The following ZNF366 variants were observed in gnomAD, a reference collection of about 807,000 sequenced individuals.
The protein encoded by ZNF366 is zinc finger protein 366, also known as dendritic cell-specific transcript protein.
ZNF366 carries 20 observed loss-of-function variants against 47.2 expected under a neutral mutation model. The ratio of observed to expected loss-of-function variants is 0.42; its 90% CI spans 0.30 to 0.62. ZNF366 has a LOEUF of 0.62. Among genes scored for constraint, ZNF366 ranks in the 20% least tolerant of loss-of-function variants. ZNF366 has a pLI of 0.16. For missense variants in ZNF366, 987 were observed against 976.3 expected, an observed-to-expected ratio of 1.01 and a Z score of -0.15; for synonymous variants, 421 against 395.1, an observed-to-expected ratio of 1.07 and a Z score of -0.78.
At chr5:72,484,497 A>T (rs1031728586) in intron 1 of ZNF366, among the ~76,000 whole-genome samples, 20 of 143,208 alleles carry the variant, frequency 1.4e-4, no homozygotes, top group East Asian at 4.2e-4. Flanking sequence ...AAAAAAAAAA[A>T]TAATAATAAT....
chr5:72,450,224 G>A (rs976830615), intron 3 of ZNF366, among the ~76,000 whole-genome samples: 4 of 152,184 alleles, frequency 2.6e-5, no homozygotes, highest in African/African-American at 9.7e-5. Flanking sequence ...CACAAGTAAG[G>A]TAACTACTAT....
At chr5:72,447,862 A>G (rs1047937502) in intron 3 of ZNF366, among the ~76,000 whole-genome samples, 8 of 152,182 alleles carry the variant, frequency 5.3e-5, no homozygotes, top group African/African-American at 1.9e-4. Context: ...GATGGTTGCT[A>G]TTACCACCCC....
At chr5:72,475,774 G>A (rs1350144707) in intron 1 of ZNF366, among the ~76,000 whole-genome samples, 1 of 152,148 alleles carries the variant, frequency 6.6e-6, no homozygotes, top group Non-Finnish European at 1.5e-5. Context: ...GGTAAGACAT[G>A]CCCTCTAAGG....
chr5:72,457,693 T>C (rs1743217876), intron 2 of ZNF366, among the ~76,000 whole-genome samples: 1 of 152,142 alleles, frequency 6.6e-6, no homozygotes, highest in Admixed American at 6.5e-5. Context: ...TGCCCAGCTG[T>C]TTACTGGCTG....
At chr5:72,485,190 C>G (rs1743869900) in intron 1 of ZNF366, among the ~76,000 whole-genome samples, 1 of 152,232 alleles carries the variant, frequency 6.6e-6, no homozygotes, top group Admixed American at 6.5e-5. Context: ...CATTGACACT[C>G]AGCACATGTT....
chr5:72,443,603 G>T lies in ZNF366; in HGVS notation c.*153C>A, dbSNP rs1296277709. The stretch of plus-strand genomic sequence containing the variant: ...AGGGCCCCGTGAATGACCTGAGAAG[G>T]CTTTCCATTACCTACATCCCTGCTC... On this transcript the variant is annotated 3_prime_UTR_variant, in exon 5 of 5. Transcript: ENST00000318442. 8.4e-6 allele frequency: 7 copies of T among 832,690 alleles called. No homozygotes were observed. In the Admixed American group the frequency reaches 1.2e-4, roughly 14 times the overall value. The allele number at this position is 832,690 out of a possible 1,614,324, so 51.6% of individuals were successfully genotyped here.
chr5:72,481,760 A>G (rs542381331), intron 1 of ZNF366, among the ~76,000 whole-genome samples: 3 of 152,340 alleles, frequency 2.0e-5, no homozygotes, highest in Admixed American at 2.0e-4. Flanking sequence ...TTCTAGGTTT[A>G]TTGAGATAAT....
At chr5:72,450,693 T>C (rs1743052279) in intron 3 of ZNF366, among the ~76,000 whole-genome samples, 2 of 152,200 alleles carry the variant, frequency 1.3e-5, no homozygotes, top group South Asian at 4.1e-4. Context: ...CGGTAGGTAC[T>C]TAGCTTCTTC....
At position 72,444,384 on chromosome 5, in the gene ZNF366, T is replaced by C. The variant is rs369134439; in HGVS notation, c.1700-93A>G. 3.7e-6 allele frequency: 5 copies of C among 1,333,962 alleles called. No individual in the cohort carries two copies. In the East Asian group the frequency reaches 7.0e-5, roughly 19 times the overall value. The allele number at this position is 1,333,962 out of a possible 1,614,324, so 82.6% of individuals were successfully genotyped here. A position where few individuals can be genotyped will look rare whatever the true frequency, so the allele number is the denominator to read the frequency against. On this transcript the variant is annotated intron_variant, in intron 4 of 4. Transcript: ENST00000318442. ...GAGCAGCCCGGGGCCGTTTAATGTA[T>C]TCCGATGCGTATTTTAAAAATAGAT... is the stretch of plus-strand genomic sequence containing the variant.
intron 1 of ZNF366, among the ~76,000 whole-genome samples, chr5:72,471,718 G>A (rs973414792): frequency 1.3e-5 from 2 of 152,204 alleles, no homozygotes; most frequent in African/African-American, 4.8e-5. Context: ...CATTAAAAAT[G>A]TAAAAATTCA....
Position 72,460,816 on chromosome 5 carries a change from C to T in ZNF366, c.681G>A (p.Gln227=). 1 of 1,614,140 alleles carries T rather than the reference C, an allele frequency of 6.2e-7. No individual in the cohort carries two copies. The highest frequency in any genetic ancestry group is 8.5e-7 in the Non-Finnish European group (1 of 1,179,990). ...AEPQESEETK[Q]KVERVDVNVQ... The stretch of plus-strand genomic sequence containing the variant: ...CGTTCACGTCCACCCTCTCCACCTT[C>T]TGCTTGGTCTCCTCGCTCTCCTGGG... Residue 227 remains glutamine, a synonymous_variant, in exon 2 of 5, where the codon CAG becomes CAA. Coordinates refer to ENST00000318442, the MANE Select transcript of ZNF366 (RefSeq NM_152625.3).
At chr5:72,471,577 T>C (rs1339822889) in intron 1 of ZNF366, among the ~76,000 whole-genome samples, 6 of 152,212 alleles carry the variant, frequency 3.9e-5, no homozygotes, top group Non-Finnish European at 7.4e-5. Flanking sequence ...GGAGGGGCCG[T>C]TCCCATCATA....
At position 72,471,850 on chromosome 5, in the gene ZNF366, TA is replaced by T. The variant is rs570225289; in HGVS notation, c.-14-10341del. Among the ~76,000 whole-genome samples, 1,015 of 152,200 alleles carry T rather than the reference TA, an allele frequency of 6.7e-3. 12 individuals are homozygous for T. The highest frequency in any genetic ancestry group is 0.023 in the African/African-American group (954 of 41,518). On this transcript the variant is annotated intron_variant, in intron 1 of 4. Transcript: ENST00000318442. ...TCCTTGATTTTTCTGCCCAAGGTCTTAAAAAAAATTTTTTTTTAAGAGACGG... is the reference window on the plus strand; with the variant it reads ...TCCTTGATTTTTCTGCCCAAGGTCTTAAAAAAATTTTTTTTTAAGAGACGG...
At chr5:72,462,778 C>T (rs1039053337) in intron 1 of ZNF366, among the ~76,000 whole-genome samples, 8 of 151,964 alleles carry the variant, frequency 5.3e-5, no homozygotes, top group Admixed American at 1.3e-4. Context: ...CTTGAACTCC[C>T]GATCTCAAGT....
At chr5:72,481,697 C>T (rs1743793209) in intron 1 of ZNF366, among the ~76,000 whole-genome samples, 1 of 152,172 alleles carries the variant, frequency 6.6e-6, no homozygotes, top group African/African-American at 2.4e-5. Context: ...TTCCACCTGA[C>T]ATTAAGTAAG....
At chr5:72,479,111 T>C (rs1203459637) in intron 1 of ZNF366, among the ~76,000 whole-genome samples, 1 of 152,200 alleles carries the variant, frequency 6.6e-6, no homozygotes, top group Non-Finnish European at 1.5e-5. Flanking sequence ...TTCAACAATA[T>C]CTTTGTAACA....
intron 1 of ZNF366, among the ~76,000 whole-genome samples, chr5:72,494,863 A>G (rs1214794039): frequency 6.6e-6 from 1 of 152,130 alleles, no homozygotes; most frequent in Non-Finnish European, 1.5e-5. Context: ...TCCCCATATT[A>G]ATATTTAATA....
At position 72,460,791 on chromosome 5, in the gene ZNF366, C is replaced by G. The variant is rs753571275; in HGVS notation, c.706G>C (p.Val236Leu). ...ACGTAGTAGCTGTCATCGATCTGCA[C>G]GTTCACGTCCACCCTCTCCACCTTC... ...KQKVERVDVN[V>L]QIDDSYYVDV... Residue 236 changes from valine (V) to leucine (L), a missense_variant, in exon 2 of 5, where the codon GTG (valine) becomes CTG (leucine). Val to Leu is a conservative substitution (Grantham distance 32). Transcript: ENST00000318442. 6.2e-7 allele frequency: 1 copy of G among 1,614,220 alleles called. No homozygotes were observed. Among genetic ancestry groups the G allele is most frequent in the Non-Finnish European group, 8.5e-7 (1 of 1,180,050 alleles).
chr5:72,467,146 T>C (rs543782290), intron 1 of ZNF366, among the ~76,000 whole-genome samples: 22 of 152,364 alleles, frequency 1.4e-4, no homozygotes, highest in African/African-American at 5.0e-4. Flanking sequence ...AGAATAATCA[T>C]ACATTTTCAT....
Sources: allele counts gnomAD v4.1 joint callset (sites outside exome capture counted in the v4.1 genomes callset), GRCh38; gene constraint gnomAD v4.1.1; transcripts MANE v1.5; gene names NCBI Gene and HGNC (gene_info 2026-07-23, HGNC 2026-07-21).